ITGB5: variants seen among roughly 807,000 people sequenced by gnomAD.
ITGB5 encodes integrin beta-5.
A neutral mutation model predicts 84.8 loss-of-function variants in ITGB5; 38 were observed. That is an observed-to-expected ratio of 0.45 (90% CI 0.35 to 0.59). The LOEUF is 0.59. Among genes scored for constraint, ITGB5 ranks in the 20% least tolerant of loss-of-function variants. The probability of loss-of-function intolerance (pLI) is 0.01; values close to 1 mark genes in which losing one functional copy is unlikely to be tolerated. For missense variants in ITGB5, 905 were observed against 1,034.5 expected, an observed-to-expected ratio of 0.87 and a Z score of 1.72; for synonymous variants, 393 against 414.4, an observed-to-expected ratio of 0.95 and a Z score of 0.63.
chr3:124,881,716 C>T (rs1934577706), intron 1 of ITGB5, among the ~76,000 whole-genome samples: 1 of 152,050 alleles, frequency 6.6e-6, no homozygotes, highest in South Asian at 2.1e-4. Context: ...GCCTGTAATC[C>T]CAGCACTTTG....
chr3:124,867,412 C>T (rs2065408095), intron 2 of ITGB5, among the ~76,000 whole-genome samples: 3 of 152,226 alleles, frequency 2.0e-5, no homozygotes, highest in East Asian at 3.8e-4. Flanking sequence ...GACAACCTCC[C>T]AACTTCTGCA....
Position 124,848,546 on chromosome 3 carries a change from G to A in ITGB5, c.374C>T (p.Thr125Ile), listed in dbSNP as rs1406505040. The A allele has an allele frequency of 1.2e-6, 2 of 1,611,974 alleles. No individual in the cohort carries two copies. The highest frequency in any genetic ancestry group is 1.1e-5 in the South Asian group (1 of 91,038). Reference sequence around the variant, plus strand: ...CACCTGGCGAACCTGTAGCTGGAAGGTGGTCTTGTCACCTGCACCAACAGA... The same window carrying A: ...CACCTGGCGAACCTGTAGCTGGAAGATGGTCTTGTCACCTGCACCAACAGA... ...AVNLRPGDKTTFQLQVRQVED... is the reference protein window; with the variant it reads ...AVNLRPGDKTIFQLQVRQVED... The change falls in exon 4 of 15, where the codon ACC becomes ATC. Residue 125 changes from threonine (T) to isoleucine (I), a missense_variant. Physicochemically the swap from Thr to Ile is moderately conservative, Grantham distance 89. This residue lies in a region of ITGB5 where 656 missense variants were observed against 734.7 expected (regional missense o/e 0.89). Coordinates refer to ENST00000296181, the MANE Select transcript of ITGB5 (RefSeq NM_002213.5).
chr3:124,832,624 T>A lies in ITGB5; in HGVS notation c.780+8759A>T, dbSNP rs987455611. On this transcript the variant is annotated intron_variant, in intron 5 of 14. Transcript: ENST00000296181. ...TGAAGGAGCCAGTCCTTCCACAGAG[T>A]CTGTTCTCTGGCTGTGCCTTAGATC... Among the ~76,000 whole-genome samples the A allele has an allele frequency of 5.9e-5, 9 of 152,072 alleles. No homozygotes were observed. The South Asian group carries it at 6.2e-4, about 10-fold the overall frequency.
intron 9 of ITGB5, among the ~76,000 whole-genome samples, chr3:124,799,941 G>A (rs1285479333): frequency 1.3e-5 from 2 of 152,172 alleles, no homozygotes; most frequent in African/African-American, 2.4e-5. Flanking sequence ...GGCTGGGAAC[G>A]ATTTGAGCCT....
At chr3:124,785,781 T>C (rs1488963183) in intron 10 of ITGB5, among the ~76,000 whole-genome samples, 1 of 152,162 alleles carries the variant, frequency 6.6e-6, no homozygotes, top group Non-Finnish European at 1.5e-5. Flanking sequence ...GTGTCTGACA[T>C]ATCCTTATGT....
chr3:124,797,299 A>T (rs904005219), intron 9 of ITGB5, among the ~76,000 whole-genome samples: 1 of 151,878 alleles, frequency 6.6e-6, no homozygotes, highest in Non-Finnish European at 1.5e-5. Flanking sequence ...GGTGAAGGGC[A>T]CCCACCTGGC....
intron 9 of ITGB5, among the ~76,000 whole-genome samples, chr3:124,805,456 CT>C (rs34640457): frequency 4.4e-4 from 65 of 146,770 alleles, no homozygotes; most frequent in Non-Finnish European, 4.7e-4. Flanking sequence ...ACTGCCATTA[CT>C]TTTTTTTTTT....
chr3:124,838,111 A>G (rs1469689443), intron 5 of ITGB5, among the ~76,000 whole-genome samples: 2 of 152,202 alleles, frequency 1.3e-5, no homozygotes, highest in Non-Finnish European at 2.9e-5. Context: ...TACAAATGCA[A>G]CAAGACTGGT....
intron 12 of ITGB5, among the ~76,000 whole-genome samples, chr3:124,767,882 G>A (rs1364742391): frequency 6.6e-6 from 1 of 152,154 alleles, no homozygotes; most frequent in Non-Finnish European, 1.5e-5. Context: ...GACCAGCCTG[G>A]GCAACATGGT....
At position 124,818,502 on chromosome 3, in the gene ITGB5, C is replaced by CTT. The variant is rs143582866; in HGVS notation, c.1039-794_1039-793dup. Among the ~76,000 whole-genome samples the CTT allele has an allele frequency of 4.8e-4, 33 of 68,212 alleles. 4 individuals carry two copies. The highest frequency in any genetic ancestry group is 3.2e-3 in the South Asian group (5 of 1,560). The allele number at this position is 68,212 out of a possible 152,430, so 44.7% of individuals were successfully genotyped here. A position where few individuals can be genotyped will look rare whatever the true frequency, so the allele number is the denominator to read the frequency against. On this transcript the variant is annotated intron_variant, in intron 7 of 14. Coordinates refer to ENST00000296181, the MANE Select transcript of ITGB5 (RefSeq NM_002213.5). ...AAAACGTTATTTGTAAGTGCATAGG[C>CTT]TTTTTTTTTTTTTTTTTTTTTTTTT...
At chr3:124,838,505 C>T (rs2064967551) in intron 5 of ITGB5, among the ~76,000 whole-genome samples, 1 of 152,184 alleles carries the variant, frequency 6.6e-6, no homozygotes, top group African/African-American at 2.4e-5. Flanking sequence ...GTTGTATCTT[C>T]CCTAAGGACA....
intron 10 of ITGB5, among the ~76,000 whole-genome samples, chr3:124,788,275 T>C (rs925971406): frequency 9.2e-5 from 14 of 152,152 alleles, no homozygotes; most frequent in African/African-American, 3.4e-4. Flanking sequence ...CACTGTCCTG[T>C]TGGTTCCTCA....
intron 8 of ITGB5, among the ~76,000 whole-genome samples, chr3:124,814,542 T>C (rs1389072537): frequency 1.3e-5 from 2 of 149,914 alleles, no homozygotes; most frequent in South Asian, 2.1e-4. Flanking sequence ...AGTGATACAA[T>C]CATAGCTCAC....
chr3:124,848,231 C>A, intron 4 of ITGB5, 78 bp downstream of exon 4: 5 of 1,551,118 alleles, frequency 3.2e-6, no homozygotes, highest in Non-Finnish European at 4.4e-6. Context: ...TTCCTTAATT[C>A]TTTCTTTGAG....
At position 124,773,822 on chromosome 3, in the gene ITGB5, C is replaced by T. The variant is rs766476159; in HGVS notation, c.1784G>A (p.Arg595Gln). 1.6e-5 allele frequency: 26 copies of T among 1,614,002 alleles called. No individual in the cohort carries two copies. Among genetic ancestry groups the T allele is most frequent in the Admixed American group, 5.0e-5 (3 of 60,014 alleles). Residue 595 changes from arginine (R) to glutamine (Q), a missense_variant, in exon 11 of 15, where the codon CGG becomes CAG. Physicochemically the swap from Arg to Gln is conservative, Grantham distance 43. This residue lies in a region of ITGB5 where 116 missense variants were observed against 177.0 expected (regional missense o/e 0.66). Coordinates refer to ENST00000296181, the MANE Select transcript of ITGB5 (RefSeq NM_002213.5). ...GCTGCAGATCTGGCCATCTCTGCCC[C>T]GGCATGTGCTGATGTCTGTCGAGCA... ...CNCSTDISTC[R>Q]GRDGQICSER... is the part of the protein sequence containing the mutation.
intron 2 of ITGB5, among the ~76,000 whole-genome samples, chr3:124,870,396 A>G (rs1261878978): frequency 6.6e-6 from 1 of 152,234 alleles, no homozygotes; most frequent in African/African-American, 2.4e-5. Flanking sequence ...CTATGTGGTA[A>G]GCGCCATTCA....
At chr3:124,873,317 G>A (rs529145004) in intron 2 of ITGB5, 129 bp downstream of exon 2, 73 of 740,446 alleles carry the variant, frequency 9.9e-5, no homozygotes, top group Admixed American at 4.0e-4. Flanking sequence ...TGATGGGGAA[G>A]AGGCAGCTTA....
intron 14 of ITGB5, 146 bp downstream of exon 14, chr3:124,764,245 C>T (rs959506813): frequency 4.7e-5 from 39 of 838,392 alleles, no homozygotes; most frequent in Non-Finnish European, 6.7e-5. Flanking sequence ...TCTCTCTCTC[C>T]AGAACTGGGC....
Position 124,764,526 on chromosome 3 carries a change from G to A in ITGB5, c.2169C>T (p.Ile723=). The A allele has an allele frequency of 1.2e-6, 2 of 1,613,846 alleles. No individual in the cohort carries two copies. Among genetic ancestry groups the A allele is most frequent in the Middle Eastern group, 1.6e-4 (1 of 6,062 alleles). ...ECGNTPNAMT[I]LLAVVGSILL... ...GGATGCTACCGACCACAGCCAGGAG[G>A]ATGGTCATGGCGTTGGGGGTGTTTC... Residue 723 remains isoleucine, a synonymous_variant, in exon 14 of 15, where the codon ATC becomes ATT. Transcript: ENST00000296181.
Sources: gnomAD v4.1 joint callset for allele counts (sites outside exome capture counted in the v4.1 genomes callset) on GRCh38, gnomAD v4.1.1 for gene constraint, gnomAD v4.1.1 regional missense constraint, MANE v1.5 for transcripts, NCBI Gene and HGNC (gene_info 2026-07-23, HGNC 2026-07-21) for gene names.